AGBL4: variants seen among roughly 807,000 people sequenced by gnomAD.
AGBL4 encodes the protein AGBL carboxypeptidase 4, also known as cytosolic carboxypeptidase 6.
AGBL4 carries 58 observed loss-of-function variants against 66.4 expected under a neutral mutation model. That is an observed-to-expected ratio of 0.87 (90% CI 0.71 to 1.09). AGBL4 has a LOEUF of 1.09. Ranked by LOEUF, AGBL4 falls within the 50% of genes least tolerant of loss-of-function variation. AGBL4 has a pLI of 0.00. For synonymous variants in AGBL4, 234 were observed against 222.9 expected (o/e 1.05, Z -0.44); for missense variants, 579 against 631.0 (o/e 0.92, Z 0.88).
intron 5 of AGBL4, among the ~76,000 whole-genome samples, chr1:49,029,022 T>TA (rs1435931110): frequency 2.6e-5 from 4 of 152,232 alleles, no homozygotes; most frequent in Middle Eastern, 3.4e-3. Context: ...CCTTTCATGA[T>TA]AAAAATACTC....
chr1:49,311,146 C>T (rs1209367803), intron 3 of AGBL4, among the ~76,000 whole-genome samples: 5 of 152,034 alleles, frequency 3.3e-5, no homozygotes, highest in African/African-American at 1.2e-4. Flanking sequence ...CATGGTACTA[C>T]AGTTGATATA....
chr1:48,575,624 C>T (rs72899171), intron 11 of AGBL4, among the ~76,000 whole-genome samples: 3 of 152,348 alleles, frequency 2.0e-5, no homozygotes, highest in South Asian at 2.1e-4. Flanking sequence ...GCTCTCTGGA[C>T]TGGGCACAAC....
chr1:49,034,730 C>T (rs1340363304), intron 5 of AGBL4, among the ~76,000 whole-genome samples: 1 of 152,038 alleles, frequency 6.6e-6, no homozygotes, highest in Non-Finnish European at 1.5e-5. Context: ...GAGCACTTCT[C>T]CTTGCTGACA....
chr1:49,001,379 G>A (rs750099204), intron 5 of AGBL4, among the ~76,000 whole-genome samples: 1 of 152,154 alleles, frequency 6.6e-6, no homozygotes, highest in Non-Finnish European at 1.5e-5. Flanking sequence ...ACTTCTGTTT[G>A]TTGGTATTCT....
rs367853535 is a variant in AGBL4 at position 49,300,940 on chromosome 1, C to T, written c.283-55076G>A. ...AAATTCTTCCTTTGTGCTTCCACTG[C>T]CTATACTTGCCTCTCTCATAGTTTG... On this transcript the variant is annotated intron_variant, in intron 3 of 13. Coordinates refer to ENST00000371839, the MANE Select transcript of AGBL4 (RefSeq NM_032785.4). Among the ~76,000 whole-genome samples, 50 of 152,290 alleles carry T rather than the reference C, an allele frequency of 3.3e-4. 1 individual carries two copies. The South Asian group carries it at 9.5e-3, about 29-fold the overall frequency.
intron 3 of AGBL4, among the ~76,000 whole-genome samples, chr1:49,448,182 T>C (rs1478753100): frequency 2.6e-5 from 4 of 152,208 alleles, no homozygotes; most frequent in South Asian, 4.1e-4. Context: ...AAAATCTCTG[T>C]TGCATATGAC....
At chr1:48,761,831 T>A (rs1392557512) in intron 6 of AGBL4, among the ~76,000 whole-genome samples, 1 of 152,128 alleles carries the variant, frequency 6.6e-6, no homozygotes, top group East Asian at 1.9e-4. Flanking sequence ...GGCACATGAA[T>A]CCCTCAACTC....
chr1:48,792,433 A>G (rs1002050942), intron 6 of AGBL4, among the ~76,000 whole-genome samples: 4 of 152,208 alleles, frequency 2.6e-5, no homozygotes, highest in African/African-American at 9.6e-5. Context: ...TATGCAAGGG[A>G]GCAAATGCAA....
intron 9 of AGBL4, among the ~76,000 whole-genome samples, chr1:48,623,903 A>G (rs529518066): frequency 6.8e-4 from 104 of 152,304 alleles, no homozygotes; most frequent in Non-Finnish European, 1.2e-3. Context: ...TTGGTAACTG[A>G]GAAGAGGTTA....
At chr1:49,658,746 A>C (rs1646205060) in intron 3 of AGBL4, among the ~76,000 whole-genome samples, 1 of 152,086 alleles carries the variant, frequency 6.6e-6, no homozygotes, top group South Asian at 2.1e-4. Flanking sequence ...TTCTCAGCAA[A>C]CTATCGCAAG....
intron 4 of AGBL4, among the ~76,000 whole-genome samples, chr1:49,165,522 G>A (rs1480695388): frequency 6.6e-6 from 1 of 151,926 alleles, no homozygotes; most frequent in Non-Finnish European, 1.5e-5. Context: ...ACCTCAACTA[G>A]GCAACTGGCA....
chr1:49,555,352 G>C (rs1462132056), intron 3 of AGBL4, among the ~76,000 whole-genome samples: 1 of 151,250 alleles, frequency 6.6e-6, no homozygotes, highest in Admixed American at 6.6e-5. Flanking sequence ...TAGACACAGA[G>C]TGCTGATTGG....
intron 3 of AGBL4, among the ~76,000 whole-genome samples, chr1:49,365,764 G>A (rs181845710): frequency 1.0e-3 from 159 of 151,860 alleles, no homozygotes; most frequent in African/African-American, 3.7e-3. Flanking sequence ...TTTGTTTTCC[G>A]TTTCTTCACC....
intron 2 of AGBL4, among the ~76,000 whole-genome samples, chr1:49,712,705 A>C (rs907879377): frequency 6.6e-6 from 1 of 152,004 alleles, no homozygotes; most frequent in African/African-American, 2.4e-5. Flanking sequence ...AAAGCTGTAC[A>C]TCTTAAATGT....
chr1:48,671,766 T>C (rs1270126729), intron 6 of AGBL4, among the ~76,000 whole-genome samples: 1 of 152,254 alleles, frequency 6.6e-6, no homozygotes, highest in African/African-American at 2.4e-5. Flanking sequence ...CAACTTTGCC[T>C]CTTTCACAAT....
intron 3 of AGBL4, among the ~76,000 whole-genome samples, chr1:49,472,958 T>G (rs1646774842): frequency 1.3e-5 from 2 of 152,038 alleles, no homozygotes. Context: ...CTTAGGATAG[T>G]GGCCTCCAGG....
At chr1:48,634,450 C>G (rs1443370257) in intron 9 of AGBL4, 43 bp downstream of exon 9, 3 of 1,485,942 alleles carry the variant, frequency 2.0e-6, no homozygotes, top group Admixed American at 2.0e-5. Context: ...TTTCCCAGAT[C>G]AAGCCATAGA....
intron 3 of AGBL4, among the ~76,000 whole-genome samples, chr1:49,285,106 C>A (rs1399348719): frequency 1.3e-5 from 2 of 152,078 alleles, no homozygotes; most frequent in Admixed American, 1.3e-4. Context: ...CCAAAATTGA[C>A]CACATATTTG....
intron 5 of AGBL4, among the ~76,000 whole-genome samples, chr1:48,878,828 T>C (rs1306687111): frequency 6.6e-6 from 1 of 152,180 alleles, no homozygotes; most frequent in Non-Finnish European, 1.5e-5. Flanking sequence ...CATTAATCTG[T>C]ATTCCTGCCC....
Sources: gnomAD v4.1 joint callset for allele counts (sites outside exome capture counted in the v4.1 genomes callset) on GRCh38, gnomAD v4.1.1 for gene constraint, MANE v1.5 for transcripts, NCBI Gene and HGNC (gene_info 2026-07-23, HGNC 2026-07-21) for gene names.